Variants in GRHL2 observed in about 807,000 individuals in gnomAD.
GRHL2 encodes the protein grainyhead like transcription factor 2.
GRHL2 carries 21 observed loss-of-function variants against 83.8 expected under a neutral mutation model. The observed-to-expected ratio is 0.25, with a 90% CI of 0.18 to 0.36. The LOEUF is 0.36. Among genes scored for constraint, GRHL2 ranks in the 10% least tolerant of loss-of-function variants. GRHL2 has a pLI of 1.00. For missense variants in GRHL2, 623 were observed against 781.8 expected, an observed-to-expected ratio of 0.80 and a Z score of 2.42; for synonymous variants, 280 against 278.9, an observed-to-expected ratio of 1.00 and a Z score of -0.04.
intron 8 of GRHL2, among the ~76,000 whole-genome samples, chr8:101,606,273 G>A (rs4734550): frequency 0.51 from 77,433 of 152,132 alleles, 21,626 homozygotes; most frequent in African/African-American, 0.74. Flanking sequence ...TGCTTCAAAT[G>A]CATTGGATTT....
chr8:101,535,624 C>A (rs146833063), intron 1 of GRHL2, among the ~76,000 whole-genome samples: 1 of 152,164 alleles, frequency 6.6e-6, no homozygotes, highest in East Asian at 1.9e-4. Flanking sequence ...CTACAGCCTC[C>A]GCCTCCCAGG....
chr8:101,506,307 T>C (rs147031077), intron 1 of GRHL2, among the ~76,000 whole-genome samples: 185 of 152,272 alleles, frequency 1.2e-3, no homozygotes, highest in African/African-American at 4.3e-3. Flanking sequence ...TGGGGAAAAA[T>C]TGGAAAATAG....
At chr8:101,659,169 A>G (rs1327684138) in intron 14 of GRHL2, among the ~76,000 whole-genome samples, 1 of 152,208 alleles carries the variant, frequency 6.6e-6, no homozygotes. Context: ...TAACAACTGT[A>G]ATTTCAAAGT....
At chr8:101,532,975 C>A (rs1810969963) in intron 1 of GRHL2, among the ~76,000 whole-genome samples, 1 of 152,062 alleles carries the variant, frequency 6.6e-6, no homozygotes, top group Non-Finnish European at 1.5e-5. Flanking sequence ...TGCCCCAAGT[C>A]AAGTCAGTTT....
chr8:101,570,406 G>A lies in GRHL2; in HGVS notation c.734+12G>A. The A allele has an allele frequency of 6.2e-7, 1 of 1,606,008 alleles. No homozygotes were observed. Among genetic ancestry groups the A allele is most frequent in the Non-Finnish European group, 8.5e-7 (1 of 1,172,614 alleles). The stretch of plus-strand genomic sequence containing the variant: ...GATCAGACATCAAGGTGAGTTACCA[G>A]GAGATGCATCCTTAGAAACTGATTA... On this transcript the variant is annotated intron_variant, in intron 5 of 15. Transcript: ENST00000646743.
At chr8:101,664,200 A>G (rs1813991010) in intron 14 of GRHL2, among the ~76,000 whole-genome samples, 1 of 152,230 alleles carries the variant, frequency 6.6e-6, no homozygotes, top group Non-Finnish European at 1.5e-5. Context: ...GTTACAGTCC[A>G]TCTTTTTCTG....
At chr8:101,662,312 C>G (rs1170115987) in intron 14 of GRHL2, among the ~76,000 whole-genome samples, 1 of 152,196 alleles carries the variant, frequency 6.6e-6, no homozygotes, top group African/African-American at 2.4e-5. Flanking sequence ...TTAGTGATGT[C>G]TGTCAGGCCC....
intron 4 of GRHL2, among the ~76,000 whole-genome samples, chr8:101,568,298 C>T (rs1441730540): frequency 6.6e-6 from 1 of 152,250 alleles, no homozygotes; most frequent in Non-Finnish European, 1.5e-5. Context: ...CAGGCAAGGC[C>T]TGTGTCCTTG....
At chr8:101,524,717 T>TG (rs372204316) in intron 1 of GRHL2, among the ~76,000 whole-genome samples, 5 of 152,268 alleles carry the variant, frequency 3.3e-5, no homozygotes, top group African/African-American at 1.2e-4. Context: ...TTCTTTGAAA[T>TG]GGGTAGAGTC....
chr8:101,568,002 C>T lies in GRHL2; in HGVS notation c.679-2337C>T, dbSNP rs186213391. ...ATAGTTTTTTCATCATATTACCCTC[C>T]TACTCCAAAATTTTCTAATTCCTGA... On this transcript the variant is annotated intron_variant, in intron 4 of 15. Coordinates refer to ENST00000646743, the MANE Select transcript of GRHL2 (RefSeq NM_024915.4). Among the ~76,000 whole-genome samples, 3 of 152,314 alleles carry T rather than the reference C, an allele frequency of 2.0e-5. No homozygotes were observed. The East Asian group carries it at 5.8e-4, about 29-fold the overall frequency.
chr8:101,628,056 T>C (rs1813114701), intron 9 of GRHL2, among the ~76,000 whole-genome samples: 1 of 152,202 alleles, frequency 6.6e-6, no homozygotes, highest in Non-Finnish European at 1.5e-5. Context: ...CAGCAAGTTA[T>C]GCAGAAGATG....
intron 7 of GRHL2, among the ~76,000 whole-genome samples, chr8:101,583,993 G>T (rs1812111560): frequency 6.6e-6 from 1 of 152,178 alleles, no homozygotes; most frequent in South Asian, 2.1e-4. Flanking sequence ...GGGCAGTACA[G>T]GTTGTGATGT....
At chr8:101,639,214 T>A (rs1331834375) in intron 12 of GRHL2, among the ~76,000 whole-genome samples, 3 of 152,232 alleles carry the variant, frequency 2.0e-5, no homozygotes, top group African/African-American at 7.2e-5. Flanking sequence ...CCTGTGTTAT[T>A]GTACAAACTT....
chr8:101,530,960 G>A (rs187329557), intron 1 of GRHL2, among the ~76,000 whole-genome samples: 1 of 152,262 alleles, frequency 6.6e-6, no homozygotes, highest in Admixed American at 6.5e-5. Flanking sequence ...GTTGTGCGTG[G>A]TGGCTCACAC....
chr8:101,651,093 T>C (rs1813613007), intron 14 of GRHL2, among the ~76,000 whole-genome samples: 1 of 152,184 alleles, frequency 6.6e-6, no homozygotes, highest in Non-Finnish European at 1.5e-5. Context: ...GATCTATATA[T>C]ATTGAAATAA....
At chr8:101,647,017 C>T (rs963776397) in intron 13 of GRHL2, among the ~76,000 whole-genome samples, 1 of 152,138 alleles carries the variant, frequency 6.6e-6, no homozygotes, top group Non-Finnish European at 1.5e-5. Context: ...AGAAGAGCAG[C>T]CATATCATTT....
intron 1 of GRHL2, among the ~76,000 whole-genome samples, chr8:101,502,059 G>A (rs2129973656): frequency 6.6e-6 from 1 of 152,150 alleles, no homozygotes; most frequent in Middle Eastern, 3.4e-3. Context: ...TCAGTTCAGT[G>A]AGTCCCATAA....
chr8:101,532,858 G>T (rs998907135), intron 1 of GRHL2, among the ~76,000 whole-genome samples: 1 of 151,978 alleles, frequency 6.6e-6, no homozygotes, highest in Non-Finnish European at 1.5e-5. Context: ...AGAAAGAGGT[G>T]GGGGAGAGGA....
intron 10 of GRHL2, 47 bp downstream of exon 10, chr8:101,631,771 G>GCCCAC: frequency 6.7e-7 from 1 of 1,484,314 alleles, no homozygotes; most frequent in Non-Finnish European, 9.4e-7. Context: ...CTCCAGGTGG[G>GCCCAC]CTGTGTCCAC....
Sources: gnomAD v4.1 joint callset for allele counts (sites outside exome capture counted in the v4.1 genomes callset) on GRCh38, gnomAD v4.1.1 for gene constraint, MANE v1.5 for transcripts, NCBI Gene and HGNC (gene_info 2026-07-23, HGNC 2026-07-21) for gene names.